Variants in NIN observed in about 807,000 individuals in gnomAD.
NIN encodes ninein, also known as glycogen synthase kinase 3 beta-interacting protein.
A neutral mutation model predicts 257.6 loss-of-function variants in NIN; 137 were observed. The ratio of observed to expected loss-of-function variants is 0.53; its 90% CI spans 0.46 to 0.61. The LOEUF is 0.61. NIN is among the 20% of genes least tolerant of loss of function. The pLI, the probability that NIN is intolerant of heterozygous loss-of-function variation, is 0.00. For missense variants in NIN, 2,439 were observed against 2,501.2 expected, an observed-to-expected ratio of 0.98 and a Z score of 0.53; for synonymous variants, 918 against 919.8, an observed-to-expected ratio of 1.00 and a Z score of 0.04.
chr14:50,727,475 T>C lies in NIN; in HGVS notation c.6079-1409A>G, dbSNP rs577055608. 3.2e-5 allele frequency: 38 copies of C among 1,189,220 alleles called. No individual in the cohort carries two copies. The East Asian group carries it at 1.5e-3, about 47-fold the overall frequency. 73.7% of individuals were successfully genotyped at this position (1,189,220 alleles called of 1,614,324 possible). A position where few individuals can be genotyped will look rare whatever the true frequency, so the allele number is the denominator to read the frequency against. On this transcript the variant is annotated intron_variant, in intron 29 of 30. Transcript: ENST00000530997. ...AAAATGATTTGTAACAAGCTGATGT[T>C]TGTGAATTTGATTCACAAGATCTGT...
chr14:50,765,243 A>T (rs1050031164), intron 14 of NIN, among the ~76,000 whole-genome samples: 3 of 152,170 alleles, frequency 2.0e-5, no homozygotes, highest in African/African-American at 7.2e-5. Flanking sequence ...TCTTAAAAAA[A>T]GTAAGAAAGA....
chr14:50,760,827 C>T (rs1227049108), intron 16 of NIN, among the ~76,000 whole-genome samples: 2 of 152,090 alleles, frequency 1.3e-5, no homozygotes, highest in Non-Finnish European at 2.9e-5. Context: ...CACACACCAC[C>T]GTGCCCTAAT....
In NIN at chr14:50,781,166, C is replaced by T. The variant is rs184504950; in HGVS notation, c.436-2362G>A. 9.7e-4 allele frequency among the ~76,000 whole-genome samples: 148 copies of T among 152,204 alleles called. 1 individual carries two copies. Among genetic ancestry groups the T allele is most frequent in the African/African-American group, 3.4e-3 (141 of 41,528 alleles). On this transcript the variant is annotated intron_variant, in intron 5 of 30. Transcript: ENST00000530997. Reference sequence around the variant, plus strand: ...TTATTTAGCATACCAGTTGGAAACACCCCAGAACTAAATCCACTAATTCCA... The same window carrying T: ...TTATTTAGCATACCAGTTGGAAACATCCCAGAACTAAATCCACTAATTCCA...
At chr14:50,739,154 GTAAATGA>G (rs1194917032) in intron 26 of NIN, among the ~76,000 whole-genome samples, 147 bp downstream of exon 26, 11 of 152,166 alleles carry the variant, frequency 7.2e-5, no homozygotes, top group Non-Finnish European at 1.3e-4. Context: ...TTATATGTGA[GTAAATGA>G]TAAATGATAC....
intron 28 of NIN, among the ~76,000 whole-genome samples, chr14:50,731,922 A>C (rs1191686321): frequency 6.6e-6 from 1 of 152,234 alleles, no homozygotes; most frequent in East Asian, 1.9e-4. Flanking sequence ...AGTATAAACT[A>C]TAAGCCATTT....
Position 50,719,887 on chromosome 14 carries a change from T to C in NIN, c.*3576A>G. On this transcript the variant is annotated 3_prime_UTR_variant, in exon 31 of 31. Coordinates refer to ENST00000530997, the MANE Select transcript of NIN (RefSeq NM_020921.4). ...TCTTTCTAGGATAGAATGGCTAAGA[T>C]GAAATATACAAAGCTGATATAAACA... is the stretch of plus-strand genomic sequence containing the variant. 1 of 207,188 alleles carries C rather than the reference T, an allele frequency of 4.8e-6. No individual in the cohort carries two copies. Among genetic ancestry groups the C allele is most frequent in the East Asian group, 7.4e-5 (1 of 13,466 alleles). 12.8% of individuals were successfully genotyped at this position (207,188 alleles called of 1,614,324 possible).
intron 3 of NIN, among the ~76,000 whole-genome samples, chr14:50,818,175 T>G (rs1291811242): frequency 2.0e-5 from 3 of 151,338 alleles, no homozygotes; most frequent in Admixed American, 2.0e-4. Context: ...TACAAAAAAT[T>G]AGCCGGGTGT....
intron 3 of NIN, among the ~76,000 whole-genome samples, chr14:50,817,839 C>T (rs1053515192): frequency 6.6e-6 from 1 of 151,996 alleles, no homozygotes; most frequent in African/African-American, 2.4e-5. Flanking sequence ...TCTCAGCCTC[C>T]CGAGTAGCTA....
chr14:50,751,956 G>C lies in NIN; in HGVS notation c.4950+562C>G, dbSNP rs114326113. On this transcript the variant is annotated intron_variant, in intron 21 of 30. Coordinates refer to ENST00000530997, the MANE Select transcript of NIN (RefSeq NM_020921.4). ...AGGGATATTAGGCCTTCTCACTGTGGTATATGTTGTGAATATTTTCTCCTA... is the reference window on the plus strand; with the variant it reads ...AGGGATATTAGGCCTTCTCACTGTGCTATATGTTGTGAATATTTTCTCCTA... Among the ~76,000 whole-genome samples, 713 of 152,242 alleles carry C rather than the reference G, an allele frequency of 4.7e-3. 2 individuals are homozygous for C. The highest frequency in any genetic ancestry group is 0.017 in the African/African-American group (687 of 41,532).
At chr14:50,821,369 C>A (rs186062225) in intron 3 of NIN, among the ~76,000 whole-genome samples, 1 of 152,196 alleles carries the variant, frequency 6.6e-6, no homozygotes, top group Non-Finnish European at 1.5e-5. Context: ...GGAAGCAAGC[C>A]GTGCTGGGTT....
intron 5 of NIN, among the ~76,000 whole-genome samples, chr14:50,780,625 T>G (rs2043099083): frequency 1.3e-5 from 2 of 152,224 alleles, no homozygotes; most frequent in African/African-American, 4.8e-5. Flanking sequence ...TACCACAGTT[T>G]CACAGGTCCA....
intron 12 of NIN, among the ~76,000 whole-genome samples, chr14:50,767,782 A>G (rs1026312565): frequency 3.3e-5 from 5 of 150,128 alleles, no homozygotes; most frequent in Non-Finnish European, 7.4e-5. Context: ...GCGCCACTGC[A>G]CTCCAGCCTG....
intron 2 of NIN, chr14:50,823,153 GTGGTTT>G: frequency 2.1e-6 from 1 of 477,000 alleles, no homozygotes; most frequent in Non-Finnish European, 4.2e-6. Context: ...AATGAAATCT[GTGGTTT>G]TTTTTTTTTC....
chr14:50,760,437 CTTTTTT>C lies in NIN; in HGVS notation c.1897-84_1897-79del, dbSNP rs35995624. 6.5e-3 allele frequency: 2,731 copies of C among 422,920 alleles called. 1 individual carries two copies. Among genetic ancestry groups the C allele is most frequent in the Middle Eastern group, 0.013 (18 of 1,424 alleles). 26.2% of individuals were successfully genotyped at this position (422,920 alleles called of 1,614,324 possible). On this transcript the variant is annotated intron_variant, in intron 16 of 30. Coordinates refer to ENST00000530997, the MANE Select transcript of NIN (RefSeq NM_020921.4). ...AAGTGAAGTGATGGAGCAGCAATTGCTTTTTTTTTTTTTTTTTTTTTCCCTACAAGA... is the reference window on the plus strand; with the variant it reads ...AAGTGAAGTGATGGAGCAGCAATTGCTTTTTTTTTTTTTTTCCCTACAAGA...
chr14:50,800,001 TACACATACAC>T (rs780509531), intron 4 of NIN, among the ~76,000 whole-genome samples: 3 of 81,332 alleles, frequency 3.7e-5, no homozygotes, highest in Non-Finnish European at 5.2e-5. Context: ...ACAATATATA[TACACATACAC>T]ACACACACAC....
intron 29 of NIN, chr14:50,727,161 CAA>C: frequency 3.1e-6 from 2 of 642,358 alleles, no homozygotes; most frequent in Middle Eastern, 7.8e-4. Context: ...CAAAGCAAAA[CAA>C]AAAAAAAGAT....
rs993987864 is a variant in NIN at position 50,793,291 on chromosome 14, A to C, written c.266-410T>G. On this transcript the variant is annotated intron_variant, in intron 4 of 30. Transcript: ENST00000530997. Reference sequence around the variant, plus strand: ...GAAAATGGTAATACAACAGACACCAAATCAGCACTGTATACTCAGTATCCA... The same window carrying C: ...GAAAATGGTAATACAACAGACACCACATCAGCACTGTATACTCAGTATCCA... Among the ~76,000 whole-genome samples, 5 of 152,114 alleles carry C rather than the reference A, an allele frequency of 3.3e-5. No homozygotes were observed. The South Asian group carries it at 6.2e-4, about 19-fold the overall frequency.
chr14:50,800,627 A>G (rs2044056545), intron 4 of NIN, among the ~76,000 whole-genome samples: 1 of 152,206 alleles, frequency 6.6e-6, no homozygotes, highest in Non-Finnish European at 1.5e-5. Flanking sequence ...CTTGGTGCCT[A>G]TTATCTTAGG....
rs1442191019 is a variant in NIN at position 50,772,449 on chromosome 14, C to T, written c.833G>A (p.Arg278Gln). The change falls in exon 9 of 31, where the codon CGA (arginine) becomes CAA (glutamine). Residue 278 changes from arginine to glutamine, a missense_variant. Arg to Gln is a conservative substitution (Grantham distance 43, BLOSUM62 1). Coordinates refer to ENST00000530997, the MANE Select transcript of NIN (RefSeq NM_020921.4). ...CATTGCTGATGAGGTTGTGGTACGT[C>T]GTCCACTCTCATCGAAAGACTGGAA... ...LSMQSFDESG[R>Q]RTTTSSAMTS... is the part of the protein sequence containing the mutation. 9.3e-6 allele frequency: 15 copies of T among 1,614,002 alleles called. No homozygotes were observed. The highest frequency in any genetic ancestry group is 1.7e-5 in the Admixed American group (1 of 60,000).
Sources: gnomAD v4.1 joint callset for allele counts (sites outside exome capture counted in the v4.1 genomes callset) on GRCh38, gnomAD v4.1.1 for gene constraint, MANE v1.5 for transcripts, NCBI Gene and HGNC (gene_info 2026-07-23, HGNC 2026-07-21) for gene names.